The following SHISAL1 variants were observed in gnomAD, a reference collection of about 807,000 sequenced individuals.
The protein encoded by SHISAL1 is protein shisa-like-1.
In SHISAL1, 9 loss-of-function variants were observed where a neutral mutation model predicts 22.6. The observed-to-expected ratio is 0.40, with a 90% CI of 0.24 to 0.70. The LOEUF (loss-of-function observed/expected upper bound fraction) is 0.70. Among genes scored for constraint, SHISAL1 ranks in the 30% least tolerant of loss-of-function variants. The pLI is 0.39. For synonymous variants in SHISAL1, 119 were observed against 115.4 expected, an observed-to-expected ratio of 1.03 and a Z score of -0.20; for missense variants, 246 against 270.6, an observed-to-expected ratio of 0.91 and a Z score of 0.64.
rs1221220218 is a variant in SHISAL1, at chr22:44,249,042, C to G, written c.*643G>C. On this transcript the variant is annotated 3_prime_UTR_variant, in exon 5 of 5. Transcript: ENST00000381176. ...CAACCCTGACTGGCATTTTCAAATCCCCAGTGCTCCCCGAGACACAGAGGG... is the reference window on the plus strand; with the variant it reads ...CAACCCTGACTGGCATTTTCAAATCGCCAGTGCTCCCCGAGACACAGAGGG... The G allele has an allele frequency of 6.6e-6, 1 of 151,986 alleles. No homozygotes were observed. The highest frequency in any genetic ancestry group is 1.5e-5 in the Non-Finnish European group (1 of 68,046). The allele number at this position is 151,986 out of a possible 1,614,324, so 9.4% of individuals were successfully genotyped here. A position where few individuals can be genotyped will look rare whatever the true frequency, so the allele number is the denominator to read the frequency against.
At chr22:44,271,845 C>G (rs2055207569) in intron 4 of SHISAL1, among the ~76,000 whole-genome samples, 1 of 152,166 alleles carries the variant, frequency 6.6e-6, no homozygotes, top group Admixed American at 6.5e-5. Context: ...ATGTGGAATT[C>G]CTGTCAAATC....
At chr22:44,258,045 CAGG>C (rs2055096774) in intron 4 of SHISAL1, among the ~76,000 whole-genome samples, 1 of 152,222 alleles carries the variant, frequency 6.6e-6, no homozygotes, top group Non-Finnish European at 1.5e-5. Flanking sequence ...GAGGCTGAGG[CAGG>C]AGAATTGCTT....
At chr22:44,254,583 A>G (rs1451551557) in intron 4 of SHISAL1, among the ~76,000 whole-genome samples, 1 of 151,960 alleles carries the variant, frequency 6.6e-6, no homozygotes, top group Non-Finnish European at 1.5e-5. Context: ...GCTGATCTTG[A>G]TCTCCTGGCC....
upstream of SHISAL1, among the ~76,000 whole-genome samples, chr22:44,315,573 T>C (rs1233634434): frequency 6.6e-6 from 1 of 152,162 alleles, no homozygotes; most frequent in Non-Finnish European, 1.5e-5. Flanking sequence ...TTTCCCCATC[T>C]ATAAACTGAG....
intron 4 of SHISAL1, among the ~76,000 whole-genome samples, chr22:44,284,932 T>TTCCG (rs2055302453): frequency 6.6e-6 from 1 of 152,068 alleles, no homozygotes; most frequent in Non-Finnish European, 1.5e-5. Context: ...CCTTCCTTCC[T>TTCCG]TCCTTCCTTC....
At chr22:44,305,042 G>A (rs1416211185) in intron 1 of SHISAL1, among the ~76,000 whole-genome samples, 1 of 152,134 alleles carries the variant, frequency 6.6e-6, no homozygotes, top group Non-Finnish European at 1.5e-5. Flanking sequence ...CCCCTGGGGG[G>A]TACTCTTCCT....
intron 4 of SHISAL1, among the ~76,000 whole-genome samples, chr22:44,270,943 A>T (rs530987982): frequency 1.3e-5 from 2 of 152,324 alleles, no homozygotes; most frequent in East Asian, 3.9e-4. Flanking sequence ...AGAAGCTGTG[A>T]GTAAGCCCTG....
At chr22:44,271,556 T>C (rs1373831621) in intron 4 of SHISAL1, among the ~76,000 whole-genome samples, 1 of 152,234 alleles carries the variant, frequency 6.6e-6, no homozygotes, top group Non-Finnish European at 1.5e-5. Context: ...AACAAGCATC[T>C]ATTCTTGGAA....
At chr22:44,292,187 CG>C (rs2055357405) in intron 3 of SHISAL1, among the ~76,000 whole-genome samples, 1 of 152,066 alleles carries the variant, frequency 6.6e-6, no homozygotes, top group Non-Finnish European at 1.5e-5. Flanking sequence ...AGGGCTGTGG[CG>C]GGGCGGGGGT....
At chr22:44,287,335 A>G (rs550815980) in intron 3 of SHISAL1, among the ~76,000 whole-genome samples, 1 of 152,230 alleles carries the variant, frequency 6.6e-6, no homozygotes, top group East Asian at 1.9e-4. Flanking sequence ...GGGCCGGGGA[A>G]GCTCGCTTTC....
At chr22:44,320,873 G>C in the SHISAL1 span, among the ~76,000 whole-genome samples, 1 of 152,326 alleles carries the variant, frequency 6.6e-6, no homozygotes, top group African/African-American at 2.4e-5. Flanking sequence ...GTGGGGCAGT[G>C]GAGTCTCACC....
At chr22:44,272,143 G>GT in intron 4 of SHISAL1, among the ~76,000 whole-genome samples, 1 of 152,302 alleles carries the variant, frequency 6.6e-6, no homozygotes, top group East Asian at 1.9e-4. Context: ...AAACAGGTGT[G>GT]TCATGTTGCC....
rs753985034 is a variant in SHISAL1 at position 44,285,566 on chromosome 22, C to T, written c.461G>A (p.Arg154Gln). ...QDPRRWGNPA[R>Q]APRPGQRAPQ... ...GGCCCGCTGACCCGGCCGAGGGGCCCGAGCGGGGTTCCCCCACCGCCGGGG... is the reference window on the plus strand; with the variant it reads ...GGCCCGCTGACCCGGCCGAGGGGCCTGAGCGGGGTTCCCCCACCGCCGGGG... Residue 154 changes from arginine to glutamine, a missense_variant, in exon 4 of 5, where the codon CGG becomes CAG. Physicochemically the swap from Arg to Gln is conservative, Grantham distance 43 (BLOSUM62 1). Transcript: ENST00000381176. 6 of 1,613,206 alleles carry T rather than the reference C, an allele frequency of 3.7e-6. No individual in the cohort carries two copies. The highest frequency in any genetic ancestry group is 3.3e-5 in the Admixed American group (2 of 59,996).
intron 1 of SHISAL1, 52 bp from the exon 2 acceptor site, chr22:44,301,029 T>C: frequency 3.1e-6 from 4 of 1,296,996 alleles, no homozygotes; most frequent in Non-Finnish European, 4.4e-6. Context: ...CGCCTGACAC[T>C]GGCTTTCCTG....
Position 44,247,007 on chromosome 22 carries a change from G to A in SHISAL1, c.*2678C>T, listed in dbSNP as rs1421262422. 1 of 152,426 alleles carries A rather than the reference G, an allele frequency of 6.6e-6. No individual in the cohort carries two copies. The highest frequency in any genetic ancestry group is 2.4e-5 in the African/African-American group (1 of 41,438). 9.4% of individuals were successfully genotyped at this position (152,426 alleles called of 1,614,324 possible). On this transcript the variant is annotated 3_prime_UTR_variant, in exon 5 of 5. Coordinates refer to ENST00000381176, the MANE Select transcript of SHISAL1 (RefSeq NM_001099294.2). Reference sequence around the variant, plus strand: ...TCAGTTATTCCTGAAAAGACCTCTTGCGGGGAGGGGGGCAGGCAGGAGGAA... The same window carrying A: ...TCAGTTATTCCTGAAAAGACCTCTTACGGGGAGGGGGGCAGGCAGGAGGAA...
chr22:44,246,517 A>T lies in SHISAL1; in HGVS notation c.*3168T>A, dbSNP rs1355270134. Reference sequence around the variant, plus strand: ...TTGAACTCGTCACTACCCTGCATCCATCTTGTTCTCAGGGACAGTCTACTC... The same window carrying T: ...TTGAACTCGTCACTACCCTGCATCCTTCTTGTTCTCAGGGACAGTCTACTC... On this transcript the variant is annotated 3_prime_UTR_variant, in exon 5 of 5. Coordinates refer to ENST00000381176, the MANE Select transcript of SHISAL1 (RefSeq NM_001099294.2). 1 of 152,238 alleles carries T rather than the reference A, an allele frequency of 6.6e-6. No homozygotes were observed. The highest frequency in any genetic ancestry group is 1.5e-5 in the Non-Finnish European group (1 of 68,088). 9.4% of individuals were successfully genotyped at this position (152,238 alleles called of 1,614,324 possible). A position where few individuals can be genotyped will look rare whatever the true frequency, so the allele number is the denominator to read the frequency against.
intron 3 of SHISAL1, among the ~76,000 whole-genome samples, chr22:44,288,375 GC>G (rs1185558309): frequency 6.6e-6 from 1 of 152,194 alleles, no homozygotes; most frequent in Non-Finnish European, 1.5e-5. Flanking sequence ...GGTGGCTCAT[GC>G]CTGTAATCCC....
chr22:44,331,484 G>A, the SHISAL1 span, among the ~76,000 whole-genome samples: 13 of 150,668 alleles, frequency 8.6e-5, no homozygotes, highest in Non-Finnish European at 1.5e-4. This position sits in a 1 kb window ranked among gnomAD's most constrained non-coding sequence, Gnocchi z 5.2. Context: ...CCGCCCCGGG[G>A]CTCAGCTCAC....
the SHISAL1 span, among the ~76,000 whole-genome samples, chr22:44,320,775 G>C: frequency 1.8e-3 from 270 of 152,294 alleles, no homozygotes; most frequent in African/African-American, 6.4e-3. Context: ...CTCCCAGGTG[G>C]TGCTCATGCC....
Sources: gnomAD v4.1 joint callset for allele counts (sites outside exome capture counted in the v4.1 genomes callset) on GRCh38, gnomAD v4.1.1 for gene constraint, Gnocchi (gnomAD v3.1) non-coding constraint, MANE v1.5 for transcripts, NCBI Gene and HGNC (gene_info 2026-07-23, HGNC 2026-07-21) for gene names.